The following AGBL1 variants were observed in gnomAD, a reference collection of about 807,000 sequenced individuals.
AGBL1 encodes AGBL carboxypeptidase 1, also known as cytosolic carboxypeptidase 4.
In AGBL1, 130 loss-of-function variants were observed where a neutral mutation model predicts 118.9. The observed-to-expected ratio is 1.09, with a 90% CI of 0.95 to 1.26. AGBL1 has a LOEUF of 1.26. AGBL1 is among the 50% of genes most tolerant of loss of function. The pLI is 0.00. For synonymous variants in AGBL1, 555 were observed against 478.9 expected (o/e 1.16, Z -2.08); for missense variants, 1,584 against 1,298.1 (o/e 1.22, Z -3.38).
chr15:86,943,757 A>G (rs578196195), intron 23 of AGBL1, among the ~76,000 whole-genome samples: 1 of 152,120 alleles, frequency 6.6e-6, no homozygotes, highest in African/African-American at 2.4e-5. Context: ...TCCCTATGCA[A>G]GTTTTAGCTT....
chr15:86,519,665 C>T (rs1425977342), intron 18 of AGBL1, among the ~76,000 whole-genome samples: 1 of 152,184 alleles, frequency 6.6e-6, no homozygotes, highest in Non-Finnish European at 1.5e-5. Context: ...GAGATACTCT[C>T]CAAATCATAA....
chr15:86,860,693 C>G (rs1427677136), intron 22 of AGBL1, among the ~76,000 whole-genome samples: 1 of 149,568 alleles, frequency 6.7e-6, no homozygotes, highest in African/African-American at 2.5e-5. Context: ...ATCAGTGATC[C>G]TTCCTTTCCT....
intron 24 of AGBL1, among the ~76,000 whole-genome samples, chr15:87,021,101 G>A (rs2570104): frequency 0.38 from 58,430 of 151,844 alleles, 11,765 homozygotes; most frequent in East Asian, 0.51. Context: ...TTCAAACTAT[G>A]CTACAAACCA....
intron 2 of AGBL1, among the ~76,000 whole-genome samples, chr15:86,142,376 A>G (rs1484248333): frequency 6.6e-6 from 1 of 152,184 alleles, no homozygotes; most frequent in Non-Finnish European, 1.5e-5. Flanking sequence ...AGAGCTGAGT[A>G]TCAGAAGCTG....
intron 22 of AGBL1, among the ~76,000 whole-genome samples, chr15:86,861,255 T>C (rs772148652): frequency 4.6e-5 from 7 of 152,144 alleles, no homozygotes; most frequent in Non-Finnish European, 8.8e-5. Flanking sequence ...CTGGGTGCTG[T>C]GGGGAAAGCA....
intron 1 of AGBL1, among the ~76,000 whole-genome samples, chr15:86,114,972 T>C (rs541920944): frequency 1.3e-5 from 2 of 152,192 alleles, no homozygotes; most frequent in Non-Finnish European, 2.9e-5. Context: ...TAGGCTCTCA[T>C]GTGAAAAGGG....
At chr15:86,842,642 G>A (rs958963959) in intron 22 of AGBL1, among the ~76,000 whole-genome samples, 2 of 152,186 alleles carry the variant, frequency 1.3e-5, no homozygotes, top group South Asian at 4.1e-4. Context: ...GCAGGAAAGT[G>A]AGGAGTATGC....
chr15:86,772,076 T>C (rs146072115), intron 22 of AGBL1, among the ~76,000 whole-genome samples: 1 of 152,018 alleles, frequency 6.6e-6, no homozygotes, highest in African/African-American at 2.4e-5. Flanking sequence ...GTATAAGACA[T>C]GAGGCCGGGA....
intron 18 of AGBL1, among the ~76,000 whole-genome samples, chr15:86,416,296 C>T: frequency 6.6e-6 from 1 of 152,192 alleles, no homozygotes; most frequent in East Asian, 1.9e-4. Flanking sequence ...AGATTTGATG[C>T]TAGCATAGCT....
intron 23 of AGBL1, among the ~76,000 whole-genome samples, chr15:86,923,012 A>G (rs897846644): frequency 1.3e-5 from 2 of 152,200 alleles, no homozygotes; most frequent in Non-Finnish European, 2.9e-5. Context: ...AAATTGCACA[A>G]TGATCCCACC....
intron 17 of AGBL1, among the ~76,000 whole-genome samples, chr15:86,391,703 C>T (rs2141981411): frequency 7.0e-6 from 1 of 142,648 alleles, no homozygotes; most frequent in East Asian, 2.0e-4. Flanking sequence ...TTCCCAAACC[C>T]TTAGTATGCC....
At chr15:86,319,272 A>G (rs778881684) in intron 17 of AGBL1, among the ~76,000 whole-genome samples, 3 of 152,188 alleles carry the variant, frequency 2.0e-5, no homozygotes, top group African/African-American at 2.4e-5. Flanking sequence ...AAGTCATTAC[A>G]CAGAGTTAAC....
At chr15:86,327,720 A>T (rs1056281781) in intron 17 of AGBL1, among the ~76,000 whole-genome samples, 6 of 152,230 alleles carry the variant, frequency 3.9e-5, no homozygotes, top group African/African-American at 1.4e-4. Context: ...GCCCAAAGAG[A>T]CAGGTATAAA....
chr15:86,222,226 G>A lies in AGBL1; in HGVS notation c.489-2688G>A, dbSNP rs573009781. Among the ~76,000 whole-genome samples the A allele has an allele frequency of 8.9e-4, 136 of 152,242 alleles. 1 individual carries two copies. The highest frequency in any genetic ancestry group is 1.6e-3 in the Non-Finnish European group (106 of 68,024). On this transcript the variant is annotated intron_variant, in intron 5 of 22. Coordinates refer to ENST00000614907, the MANE Select transcript of AGBL1 (RefSeq NM_001386094.1). ...AATGTATATTCCTAACTGTGGTTGC[G>A]TTCCTGAATTCTGTATGATGTTTCC...
At chr15:86,884,341 G>A (rs928088441) in intron 22 of AGBL1, among the ~76,000 whole-genome samples, 18 of 152,246 alleles carry the variant, frequency 1.2e-4, no homozygotes, top group African/African-American at 3.9e-4. Context: ...GGAGTGGGAC[G>A]ACACAAGATC....
chr15:86,677,745 A>G (rs1308637247), intron 22 of AGBL1, among the ~76,000 whole-genome samples: 1 of 152,208 alleles, frequency 6.6e-6, no homozygotes, highest in African/African-American at 2.4e-5. Flanking sequence ...TAGTATCTAC[A>G]TAAACTAGGT....
At chr15:86,742,100 G>A (rs1322392719) in intron 22 of AGBL1, among the ~76,000 whole-genome samples, 1 of 151,954 alleles carries the variant, frequency 6.6e-6, no homozygotes, top group African/African-American at 2.4e-5. Flanking sequence ...CTCTGAACCA[G>A]CAGTGAGGCA....
intron 18 of AGBL1, among the ~76,000 whole-genome samples, chr15:86,452,151 C>A (rs970247001): frequency 6.6e-6 from 1 of 152,150 alleles, no homozygotes; most frequent in Non-Finnish European, 1.5e-5. Flanking sequence ...GACTCATCTC[C>A]TAACATTCCT....
chr15:86,240,982 GA>G (rs1181036061), intron 6 of AGBL1, among the ~76,000 whole-genome samples: 1 of 152,148 alleles, frequency 6.6e-6, no homozygotes, highest in Non-Finnish European at 1.5e-5. Flanking sequence ...TTAGAGTAAT[GA>G]GACTCAATAC....
Sources: allele counts gnomAD v4.1 joint callset (sites outside exome capture counted in the v4.1 genomes callset), GRCh38; gene constraint gnomAD v4.1.1; transcripts MANE v1.5; gene names NCBI Gene and HGNC (gene_info 2026-07-23, HGNC 2026-07-21).